Variants in ADAM10 observed in about 807,000 individuals in gnomAD.
ADAM10 encodes the protein disintegrin and metalloproteinase domain-containing protein 10.
In ADAM10, 17 loss-of-function variants were observed where a neutral mutation model predicts 90.1. The ratio of observed to expected loss-of-function variants is 0.19; its 90% CI spans 0.13 to 0.28. The LOEUF (loss-of-function observed/expected upper bound fraction) is 0.28. ADAM10 is among the 10% of genes least tolerant of loss of function. The pLI, the probability that ADAM10 is intolerant of heterozygous loss-of-function variation, is 1.00. For missense variants in ADAM10, 610 were observed against 914.3 expected, an observed-to-expected ratio of 0.67 and a Z score of 4.29; for synonymous variants, 310 against 298.6, an observed-to-expected ratio of 1.04 and a Z score of -0.40.
chr15:58,724,423 A>G (rs1320226762), intron 1 of ADAM10, among the ~76,000 whole-genome samples: 2 of 152,206 alleles, frequency 1.3e-5, no homozygotes, highest in African/African-American at 2.4e-5. Context: ...CTACCACCAT[A>G]AACAATTAGA....
chr15:58,680,304 G>A (rs1372624269), intron 3 of ADAM10, among the ~76,000 whole-genome samples: 1 of 152,042 alleles, frequency 6.6e-6, no homozygotes, highest in Non-Finnish European at 1.5e-5. Flanking sequence ...TGTATTTTTG[G>A]TAGAGACAGG....
intron 10 of ADAM10, among the ~76,000 whole-genome samples, chr15:58,623,963 C>T (rs1259100606): frequency 2.7e-5 from 4 of 147,780 alleles, no homozygotes; most frequent in Admixed American, 2.0e-4. Flanking sequence ...ACTTGTATCC[C>T]GGAACTTAAA....
intron 1 of ADAM10, among the ~76,000 whole-genome samples, chr15:58,736,263 TCTC>T (rs748762453): frequency 1.3e-5 from 2 of 152,156 alleles, no homozygotes; most frequent in Non-Finnish European, 2.9e-5. Context: ...GTCAACGTCT[TCTC>T]CTTTCTCTTC....
intron 11 of ADAM10, among the ~76,000 whole-genome samples, chr15:58,619,807 G>C (rs1264575692): frequency 2.0e-5 from 3 of 152,056 alleles, no homozygotes; most frequent in Non-Finnish European, 2.9e-5. Context: ...GGGAGGCTGA[G>C]GCAAGAGAAT....
chr15:58,693,175 C>T (rs778307191), intron 2 of ADAM10: 11 of 719,838 alleles, frequency 1.5e-5, no homozygotes, highest in Non-Finnish European at 2.9e-5. Flanking sequence ...CTCCCCTTCT[C>T]CATGGTACAC....
chr15:58,652,963 T>C (rs1349397264), intron 5 of ADAM10, among the ~76,000 whole-genome samples: 1 of 152,198 alleles, frequency 6.6e-6, no homozygotes, highest in East Asian at 1.9e-4. Context: ...CCTAGGTATG[T>C]AATTTTATTT....
chr15:58,676,418 A>C (rs1897302894), intron 4 of ADAM10: 1 of 349,564 alleles, frequency 2.9e-6, no homozygotes, highest in African/African-American at 2.2e-5. Flanking sequence ...AATTATTCTT[A>C]CTACTGCTGC....
At chr15:58,676,842 AT>A (rs1226582296) in intron 4 of ADAM10, among the ~76,000 whole-genome samples, 1 of 152,000 alleles carries the variant, frequency 6.6e-6, no homozygotes, top group Non-Finnish European at 1.5e-5. Flanking sequence ...ATAAATAATA[AT>A]TTCTTTAAAA....
At chr15:58,676,482 C>T (rs1196839673) in intron 4 of ADAM10, among the ~76,000 whole-genome samples, 1 of 152,048 alleles carries the variant, frequency 6.6e-6, no homozygotes, top group South Asian at 2.1e-4. Flanking sequence ...TTTAAAGAAC[C>T]AATTAAAGTA....
intron 7 of ADAM10, among the ~76,000 whole-genome samples, chr15:58,641,742 C>T (rs1896422032): frequency 6.6e-6 from 1 of 152,134 alleles, no homozygotes; most frequent in African/African-American, 2.4e-5. Flanking sequence ...CTCTGAAGTC[C>T]TAGAACGATT....
At chr15:58,690,089 A>G (rs1897736734) in intron 2 of ADAM10, among the ~76,000 whole-genome samples, 1 of 152,224 alleles carries the variant, frequency 6.6e-6, no homozygotes, top group South Asian at 2.1e-4. Context: ...GGCTGGCTTA[A>G]CATTCTAAAA....
chr15:58,733,849 T>C (rs1316762341), intron 1 of ADAM10, among the ~76,000 whole-genome samples: 1 of 151,536 alleles, frequency 6.6e-6, no homozygotes, highest in East Asian at 1.9e-4. Flanking sequence ...ATAACAAGTG[T>C]AGGCATGTTC....
At chr15:58,717,510 A>T in intron 2 of ADAM10, 67 bp downstream of exon 2, 10 of 1,591,180 alleles carry the variant, frequency 6.3e-6, no homozygotes, top group Non-Finnish European at 8.6e-6. Flanking sequence ...TAAGGATATA[A>T]ATCTCCTCTT....
At chr15:58,598,415 T>C (rs189234690) in intron 15 of ADAM10, among the ~76,000 whole-genome samples, 220 of 152,314 alleles carry the variant, frequency 1.4e-3, no homozygotes, top group African/African-American at 5.1e-3. Flanking sequence ...AAAGCAATGA[T>C]ATAAAAATCA....
chr15:58,736,383 T>A (rs762783684), intron 1 of ADAM10, among the ~76,000 whole-genome samples: 14 of 152,194 alleles, frequency 9.2e-5, no homozygotes, highest in Non-Finnish European at 1.9e-4. Context: ...CACATGGTAC[T>A]TAATACTTAT....
chr15:58,671,257 G>A (rs1211725829), intron 4 of ADAM10, among the ~76,000 whole-genome samples: 2 of 152,154 alleles, frequency 1.3e-5, no homozygotes, highest in South Asian at 2.1e-4. Context: ...AGACTTTTAT[G>A]TTCAAATATA....
chr15:58,707,089 G>GT (rs112128259), intron 2 of ADAM10, among the ~76,000 whole-genome samples: 3 of 111,012 alleles, frequency 2.7e-5, no homozygotes, highest in Non-Finnish European at 7.3e-5. Context: ...TTTGGGGGGG[G>GT]GAAAAAAGCT....
chr15:58,664,409 T>A (rs908712560), intron 5 of ADAM10, among the ~76,000 whole-genome samples: 2 of 152,218 alleles, frequency 1.3e-5, no homozygotes, highest in South Asian at 4.1e-4. Flanking sequence ...TCAATACATA[T>A]AAGAATAAAA....
chr15:58,732,832 C>G (rs1383713933), intron 1 of ADAM10: 1 of 153,744 alleles, frequency 6.5e-6, no homozygotes, highest in Admixed American at 6.6e-5. Flanking sequence ...TGTGACAAGT[C>G]TTTTTATCTA....
Sources: allele counts gnomAD v4.1 joint callset (sites outside exome capture counted in the v4.1 genomes callset), GRCh38; gene constraint gnomAD v4.1.1; transcripts MANE v1.5; gene names NCBI Gene and HGNC (gene_info 2026-07-23, HGNC 2026-07-21).